Variants in DLGAP4 observed in about 807,000 individuals in gnomAD.
DLGAP4 encodes the protein DLG associated protein 4, also known as disks large-associated protein 4.
A neutral mutation model predicts 86.9 loss-of-function variants in DLGAP4; 18 were observed. That is an observed-to-expected ratio of 0.21 (90% CI 0.14 to 0.31). The LOEUF is 0.31. Ranked by LOEUF, DLGAP4 falls within the 10% of genes least tolerant of loss-of-function variation. DLGAP4 has a pLI of 1.00. For synonymous variants in DLGAP4, 548 were observed against 574.3 expected (o/e 0.95, Z 0.65); for missense variants, 1,085 against 1,362.6 (o/e 0.80, Z 3.21).
At chr20:36,342,816 C>A (rs1555892624) in intron 1 of DLGAP4, among the ~76,000 whole-genome samples, 1 of 152,092 alleles carries the variant, frequency 6.6e-6, no homozygotes, top group African/African-American at 2.4e-5. Flanking sequence ...CTGGGAGGTA[C>A]CTTATAGACT....
At chr20:36,387,242 A>G (rs2031630325) in intron 2 of DLGAP4, among the ~76,000 whole-genome samples, 1 of 152,200 alleles carries the variant, frequency 6.6e-6, no homozygotes. Flanking sequence ...TCTCATTTTC[A>G]TTAGCGTCGC....
chr20:36,330,191 G>A (rs1371745308), intron 1 of DLGAP4, among the ~76,000 whole-genome samples: 1 of 152,196 alleles, frequency 6.6e-6, no homozygotes, highest in African/African-American at 2.4e-5. Flanking sequence ...AACACAGTGT[G>A]TCTCGTTCTT....
intron 5 of DLGAP4, among the ~76,000 whole-genome samples, chr20:36,441,221 T>A (rs1476500155): frequency 6.6e-6 from 1 of 152,222 alleles, no homozygotes; most frequent in Non-Finnish European, 1.5e-5. Flanking sequence ...TGCCTCCCTG[T>A]TGGATCCTGT....
At chr20:36,518,872 C>T (rs2037196238) in intron 10 of DLGAP4, among the ~76,000 whole-genome samples, 1 of 152,070 alleles carries the variant, frequency 6.6e-6, no homozygotes, top group South Asian at 2.1e-4. Context: ...AATCCCAGCA[C>T]TTTGGGAGGC....
intron 2 of DLGAP4, among the ~76,000 whole-genome samples, chr20:36,403,052 G>A (rs1451627600): frequency 6.6e-6 from 1 of 152,232 alleles, no homozygotes; most frequent in African/African-American, 2.4e-5. Context: ...CCAAGGCTGT[G>A]TAGCTGGCAG....
chr20:36,455,701 G>A (rs1177388490), intron 7 of DLGAP4, among the ~76,000 whole-genome samples: 4 of 152,144 alleles, frequency 2.6e-5, no homozygotes, highest in African/African-American at 9.7e-5. Context: ...CCAGTCATCA[G>A]CTGCTATGCC....
At chr20:36,366,798 G>A (rs2030703154) in intron 1 of DLGAP4, among the ~76,000 whole-genome samples, 2 of 152,206 alleles carry the variant, frequency 1.3e-5, no homozygotes, top group South Asian at 4.1e-4. Flanking sequence ...GATTCTGTGG[G>A]TGGTGGGAAA....
chr20:36,481,417 C>G (rs2035182288), intron 7 of DLGAP4, among the ~76,000 whole-genome samples: 2 of 152,178 alleles, frequency 1.3e-5, no homozygotes, highest in South Asian at 4.1e-4. Flanking sequence ...ATCCTAGCCT[C>G]TCCAAGCCAT....
At chr20:36,518,577 ATTTC>A (rs2037181448) in intron 10 of DLGAP4, among the ~76,000 whole-genome samples, 3 of 152,050 alleles carry the variant, frequency 2.0e-5, no homozygotes, top group South Asian at 4.1e-4. Flanking sequence ...TTCCACTGTG[ATTTC>A]TTTGACGACT....
intron 1 of DLGAP4, among the ~76,000 whole-genome samples, chr20:36,312,018 C>T (rs2065057672): frequency 6.6e-6 from 1 of 152,162 alleles, no homozygotes. Flanking sequence ...TGGAGAGCAG[C>T]CTTGGGACCA....
At chr20:36,344,373 A>G (rs2065415239) in intron 1 of DLGAP4, among the ~76,000 whole-genome samples, 2 of 152,218 alleles carry the variant, frequency 1.3e-5, no homozygotes, top group African/African-American at 4.8e-5. Flanking sequence ...AAGCAAAGTC[A>G]GCCTCCCGAA....
intron 7 of DLGAP4, among the ~76,000 whole-genome samples, chr20:36,467,063 T>TCTCTCTCTCCCC (rs1569509700): frequency 5.1e-5 from 2 of 39,382 alleles, no homozygotes; most frequent in African/African-American, 2.4e-4. Flanking sequence ...TCTCTCTCTC[T>TCTCTCTCTCCCC]CCCCCCCCCT....
chr20:36,408,013 G>C (rs1424062981), intron 2 of DLGAP4, among the ~76,000 whole-genome samples: 1 of 152,042 alleles, frequency 6.6e-6, no homozygotes, highest in African/African-American at 2.4e-5. Context: ...TGGAAGTCTG[G>C]GACATCAGAA....
intron 7 of DLGAP4, among the ~76,000 whole-genome samples, chr20:36,467,047 TCTCTCTCTCTCTCTCTCC>T: frequency 7.6e-6 from 1 of 130,934 alleles, no homozygotes; most frequent in Non-Finnish European, 1.5e-5. Flanking sequence ...TCTCTCTCTC[TCTCTCTCTCTCTCTCTCC>T]CCCCCCCTTC....
intron 10 of DLGAP4, among the ~76,000 whole-genome samples, chr20:36,523,559 C>G (rs2037512556): frequency 6.6e-6 from 1 of 152,120 alleles, no homozygotes; most frequent in Non-Finnish European, 1.5e-5. Flanking sequence ...AAGGGATTTC[C>G]TGTTCTTTGA....
chr20:36,412,141 A>G (rs1487150621), intron 2 of DLGAP4, among the ~76,000 whole-genome samples: 1 of 152,254 alleles, frequency 6.6e-6, no homozygotes, highest in African/African-American at 2.4e-5. Context: ...AATTGAATTA[A>G]ATGTGCTGGC....
At chr20:36,456,246 A>G (rs2033875776) in intron 7 of DLGAP4, among the ~76,000 whole-genome samples, 1 of 152,216 alleles carries the variant, frequency 6.6e-6, no homozygotes, top group Admixed American at 6.5e-5. Flanking sequence ...TCAGCCAGCT[A>G]GTAGGTCAGG....
chr20:36,329,941 G>A (rs545384082), intron 1 of DLGAP4, among the ~76,000 whole-genome samples: 32 of 150,800 alleles, frequency 2.1e-4, no homozygotes, highest in Non-Finnish European at 4.3e-4. Context: ...CAAAGCAGAG[G>A]AATCACTTAA....
chr20:36,334,940 G>T (rs1247425460), intron 1 of DLGAP4, among the ~76,000 whole-genome samples: 1 of 152,098 alleles, frequency 6.6e-6, no homozygotes, highest in Non-Finnish European at 1.5e-5. Flanking sequence ...CCCCGGGGGT[G>T]GCAGAACGCC....
Sources: gnomAD v4.1 joint callset for allele counts (sites outside exome capture counted in the v4.1 genomes callset) on GRCh38, gnomAD v4.1.1 for gene constraint, MANE v1.5 for transcripts, NCBI Gene and HGNC (gene_info 2026-07-23, HGNC 2026-07-21) for gene names.